AXL: variants seen among roughly 807,000 people sequenced by gnomAD.
The protein encoded by AXL is AXL receptor tyrosine kinase, also known as tyrosine-protein kinase receptor UFO.
Under a neutral mutation model 104.5 loss-of-function variants are expected in AXL, and 52 were observed. The ratio of observed to expected loss-of-function variants is 0.50; its 90% CI spans 0.40 to 0.63. The LOEUF (loss-of-function observed/expected upper bound fraction) is 0.63. AXL is among the 20% of genes least tolerant of loss of function. AXL has a pLI of 0.00. For synonymous variants in AXL, 455 were observed against 473.7 expected (o/e 0.96, Z 0.51); for missense variants, 1,024 against 1,188.5 (o/e 0.86, Z 2.04).
chr19:41,237,010 ATTC>A (rs1243575447), intron 6 of AXL, among the ~76,000 whole-genome samples: 3 of 151,974 alleles, frequency 2.0e-5, no homozygotes, highest in East Asian at 1.9e-4. Flanking sequence ...GCCCAAGACA[ATTC>A]TTCTTCCACT....
At chr19:41,228,409 C>G (rs1255898529) in intron 4 of AXL, among the ~76,000 whole-genome samples, 1 of 152,054 alleles carries the variant, frequency 6.6e-6, no homozygotes, top group Non-Finnish European at 1.5e-5. Flanking sequence ...CAAAAATTAG[C>G]CGGGCATGGT....
intron 17 of AXL, among the ~76,000 whole-genome samples, chr19:41,254,648 G>A (rs2034425812): frequency 6.6e-6 from 1 of 152,112 alleles, no homozygotes; most frequent in African/African-American, 2.4e-5. Context: ...GCCAGGCGCA[G>A]TGGCTCACAT....
At chr19:41,233,706 C>T (rs191007865) in intron 6 of AXL, among the ~76,000 whole-genome samples, 1,779 of 147,416 alleles carry the variant, frequency 0.012, 18 homozygotes, top group South Asian at 0.031. Flanking sequence ...AGAGAGGGGC[C>T]CCCTCTCTGG....
rs536979612 is a variant in AXL, at chr19:41,236,067, A to G, written c.784-1877A>G. Among the ~76,000 whole-genome samples, 87 of 152,076 alleles carry G rather than the reference A, an allele frequency of 5.7e-4. 1 individual carries two copies. The highest frequency in any genetic ancestry group is 5.1e-3 in the Admixed American group (78 of 15,262). On this transcript the variant is annotated intron_variant, in intron 6 of 19. Transcript: ENST00000301178. ...AAAAAAAAGCCGGGTGTGGTAGCTC[A>G]CACCTGTAATCCCAGCACTTTGGGA...
At position 41,238,565 on chromosome 19, in the gene AXL, C is replaced by T; in HGVS notation, c.1090C>T (p.Leu364=). 1.2e-6 allele frequency: 2 copies of T among 1,613,690 alleles called. No homozygotes were observed. Among genetic ancestry groups the T allele is most frequent in the Non-Finnish European group, 1.7e-6 (2 of 1,179,736 alleles). Residue 364 remains leucine, a synonymous_variant, in exon 8 of 20, where the codon CTG becomes TTG. Coordinates refer to ENST00000301178, the MANE Select transcript of AXL (RefSeq NM_021913.5). ...QEPRAPLQGT[L]LGYRLAYQGQ... Reference sequence around the variant, plus strand: ...GCCCCGGGCGCCCCTGCAGGGTACCCTGTTAGGGTACCGGCTGGCGTATCA... The same window carrying T: ...GCCCCGGGCGCCCCTGCAGGGTACCTTGTTAGGGTACCGGCTGGCGTATCA...
intron 7 of AXL, 35 bp from the exon 8 acceptor site, chr19:41,238,435 G>A (rs774368945): frequency 6.3e-7 from 1 of 1,595,700 alleles, no homozygotes; most frequent in Non-Finnish European, 8.6e-7. Context: ...AGGAAGAGGT[G>A]GGGGTGCCAG....
chr19:41,250,556 C>G (rs1254431077), intron 14 of AXL, among the ~76,000 whole-genome samples: 1 of 152,194 alleles, frequency 6.6e-6, no homozygotes, highest in Non-Finnish European at 1.5e-5. Context: ...GATTCTTCTG[C>G]CTCAGCCTCC....
At chr19:41,225,841 GT>G (rs1474818447) in intron 4 of AXL, among the ~76,000 whole-genome samples, 31 of 152,166 alleles carry the variant, frequency 2.0e-4, no homozygotes, top group African/African-American at 7.2e-4. Flanking sequence ...GTGAGTGTGT[GT>G]GTGGGGGGGT....
At position 41,231,187 on chromosome 19, in the gene AXL, C is replaced by T; in HGVS notation, c.672C>T (p.Leu224=). The T allele has an allele frequency of 6.2e-7, 1 of 1,611,502 alleles. No homozygotes were observed. Among genetic ancestry groups the T allele is most frequent in the Non-Finnish European group, 8.5e-7 (1 of 1,178,628 alleles). ...TTSRTATITV[L]PQQPRNLHLV... ...ATCTCTCCCGTTTGTCCACAGTGCT[C>T]CCCCAGCAGCCCCGTAACCTCCACC... is the stretch of plus-strand genomic sequence containing the variant. The change falls in exon 6 of 20, where the codon CTC becomes CTT. Residue 224 remains leucine, a synonymous_variant. Transcript: ENST00000301178.
At chr19:41,228,224 G>A (rs1011796016) in intron 4 of AXL, among the ~76,000 whole-genome samples, 8 of 152,078 alleles carry the variant, frequency 5.3e-5, no homozygotes, top group African/African-American at 1.2e-4. Flanking sequence ...ACACCACCAC[G>A]TTAGGGAGGG....
intron 14 of AXL, 64 bp from the exon 15 acceptor site, chr19:41,252,287 G>A (rs2034377263): frequency 1.6e-6 from 2 of 1,251,110 alleles, no homozygotes; most frequent in South Asian, 2.4e-5. Flanking sequence ...ATGATGGAGT[G>A]GAGGTGGAGG....
intron 19 of AXL, among the ~76,000 whole-genome samples, chr19:41,258,302 C>G (rs1182020645): frequency 6.6e-6 from 1 of 152,226 alleles, no homozygotes; most frequent in East Asian, 1.9e-4. Flanking sequence ...CTAGAAGGCA[C>G]TGTTTTAGGT....
At position 41,220,906 on chromosome 19, in the gene AXL, G is replaced by C; in HGVS notation, c.308+48G>C. The C allele has an allele frequency of 1.9e-6, 3 of 1,594,698 alleles. No homozygotes were observed. The African/African-American group carries it at 4.0e-5, about 21-fold the overall frequency. On this transcript the variant is annotated intron_variant, in intron 2 of 19. Transcript: ENST00000301178. The stretch of plus-strand genomic sequence containing the variant: ...CCCACTCCCACCTCCGTCACACAGA[G>C]GGCAGAAAGCCCACCTGGGTGGGAA...
rs933887272 is a variant in AXL at position 41,248,628 on chromosome 19, T to C, written c.1633+19T>C. The stretch of plus-strand genomic sequence containing the variant: ...GGAGAGGGTGAGTCCCCCGGCAGCA[T>C]ACACACATCCTTCTGAACTTCTGAG... On this transcript the variant is annotated intron_variant, in intron 13 of 19. Transcript: ENST00000301178. 2.5e-6 allele frequency: 4 copies of C among 1,613,410 alleles called. No homozygotes were observed. The highest frequency in any genetic ancestry group is 3.3e-5 in the Admixed American group (2 of 59,968).
At chr19:41,255,195 A>G (rs2034433232) in intron 17 of AXL, among the ~76,000 whole-genome samples, 1 of 152,078 alleles carries the variant, frequency 6.6e-6, no homozygotes, top group African/African-American at 2.4e-5. Flanking sequence ...GCTCAGCATG[A>G]TGTTTTTGAG....
chr19:41,243,787 G>A, intron 12 of AXL, 80 bp downstream of exon 12: 2 of 1,270,466 alleles, frequency 1.6e-6, no homozygotes, highest in East Asian at 2.3e-5. Context: ...TTCTGTACAT[G>A]TGTGAGCCAA....
rs147054591 is a variant in AXL, at chr19:41,253,186, G to T, written c.1926+219G>T. 2.7e-3 allele frequency among the ~76,000 whole-genome samples: 413 copies of T among 152,304 alleles called. 5 individuals are homozygous for T. In the East Asian group the frequency reaches 0.043, roughly 16 times the overall value. On this transcript the variant is annotated intron_variant, in intron 16 of 19. Transcript: ENST00000301178. ...AGGAAGGAAATACAGTAGGATGGAA[G>T]ATAAGGAGGCCAGGCAGTGAATTTG... is the stretch of plus-strand genomic sequence containing the variant.
intron 17 of AXL, among the ~76,000 whole-genome samples, chr19:41,254,383 A>G (rs1010782470): frequency 1.3e-5 from 2 of 150,448 alleles, no homozygotes; most frequent in African/African-American, 4.9e-5. Context: ...TCTCAAAAAA[A>G]AAAAAAAAAA....
intron 9 of AXL, 46 bp from the exon 10 acceptor site, chr19:41,239,648 C>T (rs1568413639): frequency 6.2e-7 from 1 of 1,613,338 alleles, no homozygotes; most frequent in East Asian, 2.2e-5. Context: ...CCACGCCAGT[C>T]TTGTCCTCTC....
Sources: gnomAD v4.1 joint callset for allele counts (sites outside exome capture counted in the v4.1 genomes callset) on GRCh38, gnomAD v4.1.1 for gene constraint, MANE v1.5 for transcripts, NCBI Gene and HGNC (gene_info 2026-07-23, HGNC 2026-07-21) for gene names.